CAMK2B: variants seen among roughly 807,000 people sequenced by gnomAD.
The protein encoded by CAMK2B is calcium/calmodulin dependent protein kinase II beta.
A neutral mutation model predicts 93.7 loss-of-function variants in CAMK2B; 27 were observed. The observed-to-expected ratio is 0.29, with a 90% CI of 0.21 to 0.40. The LOEUF (loss-of-function observed/expected upper bound fraction) is 0.40, where lower values mean the gene tolerates loss of function less well. Ranked by LOEUF, CAMK2B falls within the 10% of genes least tolerant of loss-of-function variation. The pLI, the probability that CAMK2B is intolerant of heterozygous loss-of-function variation, is 1.00. For missense variants in CAMK2B, 568 were observed against 895.8 expected, an observed-to-expected ratio of 0.63 and a Z score of 4.67; for synonymous variants, 374 against 358.8, an observed-to-expected ratio of 1.04 and a Z score of -0.48.
At chr7:44,290,868 G>A (rs1167205234) in intron 1 of CAMK2B, among the ~76,000 whole-genome samples, 1 of 152,190 alleles carries the variant, frequency 6.6e-6, no homozygotes, top group Non-Finnish European at 1.5e-5. Flanking sequence ...TGGAATGTAT[G>A]TTTGTATTAT....
chr7:44,310,734 T>G (rs1225013545), intron 1 of CAMK2B, among the ~76,000 whole-genome samples: 1 of 152,176 alleles, frequency 6.6e-6, no homozygotes, highest in Non-Finnish European at 1.5e-5. Flanking sequence ...ATGGGGTCCC[T>G]AAAGTTGTCA....
intron 2 of CAMK2B, among the ~76,000 whole-genome samples, chr7:44,279,014 C>T (rs1013858681): frequency 5.3e-5 from 8 of 152,246 alleles, no homozygotes; most frequent in African/African-American, 1.7e-4. Flanking sequence ...CCCAATTGTG[C>T]AGGGCCGTGT....
At chr7:44,298,724 T>C (rs1343745339) in intron 1 of CAMK2B, among the ~76,000 whole-genome samples, 2 of 152,166 alleles carry the variant, frequency 1.3e-5, no homozygotes, top group African/African-American at 4.8e-5. Context: ...AGAACTTGAA[T>C]AGACATTTCT....
At chr7:44,259,191 G>T (rs533531583) in intron 3 of CAMK2B, among the ~76,000 whole-genome samples, 19 of 152,276 alleles carry the variant, frequency 1.2e-4, no homozygotes, top group African/African-American at 4.6e-4. Context: ...CTCACCCTCC[G>T]CTGCCAGTCT....
intron 5 of CAMK2B, among the ~76,000 whole-genome samples, chr7:44,249,899 G>C (rs77715675): frequency 0.085 from 12,872 of 152,160 alleles, 699 homozygotes; most frequent in Non-Finnish European, 0.11. Flanking sequence ...CTCCCCTGCT[G>C]AGGAGGCTCC....
Position 44,240,741 on chromosome 7 carries a change from G to A in CAMK2B, c.912C>T (p.Ile304=), listed in dbSNP as rs778311784. Residue 304 remains isoleucine, a synonymous_variant, in exon 12 of 24, where the codon ATC becomes ATT. Transcript: ENST00000395749. ...FNARRKLKGA[I]LTTMLATRNF... ...TCCGTGTGGCCAGCATGGTGGTGAG[G>A]ATGGCTCCCTGGGGAGAGACACAGA... The A allele has an allele frequency of 1.9e-6, 3 of 1,613,966 alleles. No individual in the cohort carries two copies. The South Asian group carries it at 3.3e-5, about 18-fold the overall frequency.
chr7:44,238,887 G>T (rs1356633695), intron 13 of CAMK2B, among the ~76,000 whole-genome samples: 4 of 150,852 alleles, frequency 2.7e-5, no homozygotes, highest in Non-Finnish European at 5.9e-5. Context: ...TCTGCCCATG[G>T]TCACAAGCCA....
chr7:44,241,878 G>T, intron 10 of CAMK2B, 95 bp from the exon 11 acceptor site: 2 of 932,410 alleles, frequency 2.1e-6, no homozygotes, highest in Non-Finnish European at 1.7e-6. Flanking sequence ...GTCCCCACTT[G>T]CCAAGAGCCA....
At chr7:44,319,887 A>G (rs1795663625) in intron 1 of CAMK2B, among the ~76,000 whole-genome samples, 1 of 152,230 alleles carries the variant, frequency 6.6e-6, no homozygotes, top group Non-Finnish European at 1.5e-5. Flanking sequence ...GCAGAATCAC[A>G]TATATGGTGA....
intron 2 of CAMK2B, among the ~76,000 whole-genome samples, chr7:44,282,311 G>A (rs1214557203): frequency 1.3e-5 from 2 of 152,210 alleles, no homozygotes; most frequent in Non-Finnish European, 2.9e-5. Flanking sequence ...CACGGGCTGG[G>A]CCCCAGGGGG....
At chr7:44,240,292 G>A (rs1177018186) in intron 12 of CAMK2B, among the ~76,000 whole-genome samples, 3 of 152,200 alleles carry the variant, frequency 2.0e-5, no homozygotes, top group Non-Finnish European at 4.4e-5. Context: ...CTTGGAAGGA[G>A]GCCCCCGAGC....
chr7:44,294,010 G>A (rs1046947262), intron 1 of CAMK2B, among the ~76,000 whole-genome samples: 2 of 152,190 alleles, frequency 1.3e-5, no homozygotes, highest in East Asian at 3.8e-4. Flanking sequence ...GAATGCCAAC[G>A]GCAGCAAGGC....
intron 1 of CAMK2B, among the ~76,000 whole-genome samples, chr7:44,292,164 G>C (rs1373282185): frequency 6.6e-6 from 1 of 152,008 alleles, no homozygotes; most frequent in Non-Finnish European, 1.5e-5. Context: ...GCAATCCTTG[G>C]TGCTAGTTGG....
intron 1 of CAMK2B, among the ~76,000 whole-genome samples, chr7:44,315,673 AT>A (rs1374289763): frequency 1.3e-5 from 2 of 152,224 alleles, no homozygotes; most frequent in Non-Finnish European, 2.9e-5. Context: ...CTATTTAACA[AT>A]ATTAAATATT....
At chr7:44,220,753 G>C (rs1459602984) in intron 21 of CAMK2B, 43 bp from the exon 22 acceptor site, 1 of 1,575,806 alleles carries the variant, frequency 6.3e-7, no homozygotes, top group Non-Finnish European at 8.6e-7. Context: ...GTGGACCCCT[G>C]ACTCTGAGCA....
chr7:44,234,396 G>A lies in CAMK2B; in HGVS notation c.1125C>T (p.Ala375=), dbSNP rs751452921. 37 of 1,525,970 alleles carry A rather than the reference G, an allele frequency of 2.4e-5. No homozygotes were observed. The South Asian group carries it at 2.6e-4, about 11-fold the overall frequency. The allele number at this position is 1,525,970 out of a possible 1,614,324, so 94.5% of individuals were successfully genotyped here. ...ATSPKGTLPP[A]ALEPQTTVIH... is the part of the protein sequence containing the mutation. ...AATTTGAGGAGCTCAGTACCAGGGC[G>A]GCAGGAGGAAGCGTCCCTTTGGGGC... is the stretch of plus-strand genomic sequence containing the variant. Residue 375 remains alanine (A), a synonymous_variant, in exon 15 of 24, where the codon GCC becomes GCT. Transcript: ENST00000395749.
At chr7:44,239,281 C>G (rs1250214605) in intron 13 of CAMK2B, among the ~76,000 whole-genome samples, 1 of 152,220 alleles carries the variant, frequency 6.6e-6, no homozygotes, top group Non-Finnish European at 1.5e-5. Context: ...CCCTGTGGGC[C>G]CAGGCCATTC....
At chr7:44,310,431 C>A (rs774611597) in intron 1 of CAMK2B, among the ~76,000 whole-genome samples, 1 of 152,158 alleles carries the variant, frequency 6.6e-6, no homozygotes, top group Non-Finnish European at 1.5e-5. Flanking sequence ...CAGAGAGTTA[C>A]GTGGCAGCCC....
intron 2 of CAMK2B, among the ~76,000 whole-genome samples, chr7:44,275,808 T>C (rs1285801232): frequency 1.3e-5 from 2 of 152,050 alleles, no homozygotes; most frequent in Non-Finnish European, 2.9e-5. Flanking sequence ...AAGGCCTGCC[T>C]CCCAGCTCCC....
Sources: allele counts gnomAD v4.1 joint callset (sites outside exome capture counted in the v4.1 genomes callset), GRCh38; gene constraint gnomAD v4.1.1; transcripts MANE v1.5; gene names NCBI Gene and HGNC (gene_info 2026-07-23, HGNC 2026-07-21).